Variants in GPR137C observed in about 807,000 individuals in gnomAD.
GPR137C encodes G protein-coupled receptor 137C.
A neutral mutation model predicts 43.4 loss-of-function variants in GPR137C; 27 were observed. That is an observed-to-expected ratio of 0.62 (90% confidence interval 0.46 to 0.86). The LOEUF is 0.86. GPR137C is among the 40% of genes least tolerant of loss of function. GPR137C has a pLI of 0.00. For synonymous variants in GPR137C, 285 were observed against 226.9 expected, an observed-to-expected ratio of 1.26 and a Z score of -2.30; for missense variants, 522 against 534.6, an observed-to-expected ratio of 0.98 and a Z score of 0.23.
At chr14:52,632,420 A>C in intron 4 of GPR137C, 111 bp downstream of exon 4, 1 of 731,764 alleles carries the variant, frequency 1.4e-6, no homozygotes, top group South Asian at 2.0e-5. Flanking sequence ...ATCTCTGTCT[A>C]CTGTCAGTAA....
At chr14:52,628,924 TCTC>T (rs1431053766) in intron 3 of GPR137C, among the ~76,000 whole-genome samples, 10 of 152,136 alleles carry the variant, frequency 6.6e-5, no homozygotes, top group Non-Finnish European at 1.3e-4. Context: ...TATATAAAGA[TCTC>T]CTACAACTCA....
rs762932223 is a variant in GPR137C at position 52,635,074 on chromosome 14, T to G, written c.1249T>G (p.Leu417Val). 3.1e-6 allele frequency: 5 copies of G among 1,604,130 alleles called. No homozygotes were observed. In the South Asian group the frequency reaches 5.6e-5, roughly 18 times the overall value. The change falls in exon 7 of 7, where the codon TTG (leucine) becomes GTG (valine). Residue 417 changes from leucine to valine, a missense_variant. By Grantham distance (32) the Leu-to-Val change is conservative (BLOSUM62 1). Transcript: ENST00000321662. The stretch of plus-strand genomic sequence containing the variant: ...GCTCTTTACTTGTAGTAATTTAGAT[T>G]TGAACAATCATCATAGCTTATATGT... ...PLLFTCSNLD[L>V]NNHHSLYVTP... is the part of the protein sequence containing the mutation.
intron 1 of GPR137C, among the ~76,000 whole-genome samples, chr14:52,578,696 G>C (rs2038600202): frequency 6.6e-6 from 1 of 152,152 alleles, no homozygotes; most frequent in African/African-American, 2.4e-5. Flanking sequence ...AGCACTTTGG[G>C]AGGCTGAGGT....
chr14:52,606,176 T>A (rs1403234498), intron 3 of GPR137C, among the ~76,000 whole-genome samples: 1 of 152,196 alleles, frequency 6.6e-6, no homozygotes, highest in Non-Finnish European at 1.5e-5. Flanking sequence ...TAAGGTCCTG[T>A]GCTTTTTCTT....
chr14:52,586,640 C>T (rs572776906), intron 1 of GPR137C, among the ~76,000 whole-genome samples: 5 of 152,236 alleles, frequency 3.3e-5, no homozygotes, highest in African/African-American at 1.2e-4. Context: ...GTGAACATAT[C>T]ACAGGTTGAC....
intron 1 of GPR137C, among the ~76,000 whole-genome samples, chr14:52,558,049 TAGTC>T (rs1261880453): frequency 6.7e-6 from 1 of 149,768 alleles, no homozygotes; most frequent in East Asian, 2.0e-4. Flanking sequence ...CTGCAGAGAG[TAGTC>T]AGTCTTTTTC....
intron 3 of GPR137C, among the ~76,000 whole-genome samples, chr14:52,619,251 TAAAG>T (rs1208244605): frequency 1.3e-5 from 2 of 152,228 alleles, no homozygotes; most frequent in Non-Finnish European, 2.9e-5. Context: ...AGGCCATAAT[TAAAG>T]AAACAGGCTA....
chr14:52,558,746 C>T (rs1215340098), intron 1 of GPR137C, among the ~76,000 whole-genome samples: 4 of 151,966 alleles, frequency 2.6e-5, no homozygotes, highest in Non-Finnish European at 4.4e-5. Flanking sequence ...AAAATTGGCA[C>T]ATTTGGAAAT....
intron 1 of GPR137C, among the ~76,000 whole-genome samples, chr14:52,568,550 C>T (rs1003027432): frequency 6.6e-6 from 1 of 152,188 alleles, no homozygotes; most frequent in African/African-American, 2.4e-5. Flanking sequence ...CTAAGATCCA[C>T]TAACTTGAAA....
At chr14:52,632,011 G>T in intron 3 of GPR137C, 149 bp from the exon 4 acceptor site, 2 of 529,066 alleles carry the variant, frequency 3.8e-6, no homozygotes, top group Non-Finnish European at 6.7e-6. Flanking sequence ...AATAGGAATT[G>T]AAAAGCAAGA....
rs1363006869 is a variant in GPR137C at position 52,633,859 on chromosome 14, A to G, written c.1025A>G (p.Tyr342Cys). 3 of 1,612,680 alleles carry G rather than the reference A, an allele frequency of 1.9e-6. No individual in the cohort carries two copies. In the Admixed American group the frequency reaches 5.0e-5, roughly 27 times the overall value. Residue 342 changes from tyrosine (Y) to cysteine (C), a missense_variant, in exon 6 of 7, where the codon TAT becomes TGT. This residue lies in a region of GPR137C where 18 missense variants were observed against 39.9 expected (regional missense o/e 0.45). Transcript: ENST00000321662. ...GCTGGCATGATAAATAGTCACAGTT[A>G]TAGTTCCAGAGCTTACTTTTTCGAC... The part of the protein sequence containing the change: ...APAGMINSHS[Y>C]SSRAYFFDNP...
At chr14:52,602,337 C>G (rs1443872966) in intron 3 of GPR137C, among the ~76,000 whole-genome samples, 2 of 151,872 alleles carry the variant, frequency 1.3e-5, no homozygotes, top group African/African-American at 4.8e-5. Flanking sequence ...CTCTCTCTCT[C>G]TCCCTCTCAA....
In GPR137C at chr14:52,598,263, T is replaced by C; in HGVS notation, c.445-9T>C. On this transcript the variant is annotated splice_polypyrimidine_tract_variant and intron_variant, in intron 1 of 6. Coordinates refer to ENST00000321662, the MANE Select transcript of GPR137C (RefSeq NM_001099652.2). ...TTTTCAAAATTTTTTTTTTATATTC[T>C]CTTTATAGGTTATATGTAAAGTCAG... The C allele has an allele frequency of 2.4e-6, 3 of 1,242,186 alleles. No individual in the cohort carries two copies. The highest frequency in any genetic ancestry group is 3.3e-6 in the Non-Finnish European group (3 of 909,388). The allele number at this position is 1,242,186 out of a possible 1,614,324, so 76.9% of individuals were successfully genotyped here. A position where few individuals can be genotyped will look rare whatever the true frequency, so the allele number is the denominator to read the frequency against.
chr14:52,620,054 G>A lies in GPR137C; in HGVS notation c.718-12106G>A, dbSNP rs139553057. ...AGTGTAAAAAAGCACTGAAGGCAAT[G>A]GAGAACAACCACTTAGAAGAAGAAA... On this transcript the variant is annotated intron_variant, in intron 3 of 6. Transcript: ENST00000321662. Among the ~76,000 whole-genome samples, 446 of 152,156 alleles carry A rather than the reference G, an allele frequency of 2.9e-3. 3 individuals carry two copies. Among genetic ancestry groups the A allele is most frequent in the African/African-American group, 0.01 (428 of 41,518 alleles).
At chr14:52,603,715 T>C (rs1023875932) in intron 3 of GPR137C, among the ~76,000 whole-genome samples, 1 of 152,056 alleles carries the variant, frequency 6.6e-6, no homozygotes, top group African/African-American at 2.4e-5. Context: ...TTTTTTGTGT[T>C]ATTAGTAGAG....
chr14:52,577,499 C>G (rs781735741), intron 1 of GPR137C, among the ~76,000 whole-genome samples: 15 of 142,420 alleles, frequency 1.1e-4, no homozygotes, highest in Non-Finnish European at 2.3e-4. Flanking sequence ...ACCAAACATG[C>G]ACGCGTGCGC....
intron 1 of GPR137C, among the ~76,000 whole-genome samples, chr14:52,585,272 CT>C (rs2038698278): frequency 6.6e-6 from 1 of 152,046 alleles, no homozygotes; most frequent in Non-Finnish European, 1.5e-5. Flanking sequence ...ATTTTCTTTT[CT>C]TCTCTCTTGA....
At chr14:52,625,180 A>T (rs2039207789) in intron 3 of GPR137C, among the ~76,000 whole-genome samples, 2 of 152,024 alleles carry the variant, frequency 1.3e-5, no homozygotes, top group South Asian at 4.1e-4. Context: ...TAGTATACAA[A>T]CTCTTAGAAA....
chr14:52,637,538 A>C lies in GPR137C; in HGVS notation c.*2423A>C, dbSNP rs1398856952. On this transcript the variant is annotated 3_prime_UTR_variant, in exon 7 of 7. Coordinates refer to ENST00000321662, the MANE Select transcript of GPR137C (RefSeq NM_001099652.2). ...TTATGGAAAATGTAATTTATAGCTA[A>C]AGTGGCTTTTTTATGCATAGCTGCC... 2 of 152,174 alleles carry C rather than the reference A, an allele frequency of 1.3e-5. No homozygotes were observed. Among genetic ancestry groups the C allele is most frequent in the Non-Finnish European group, 2.9e-5 (2 of 68,014 alleles). The allele number at this position is 152,174 out of a possible 1,614,324, so 9.4% of individuals were successfully genotyped here.
Sources: gnomAD v4.1 joint callset for allele counts (sites outside exome capture counted in the v4.1 genomes callset) on GRCh38, gnomAD v4.1.1 for gene constraint, gnomAD v4.1.1 regional missense constraint, MANE v1.5 for transcripts, NCBI Gene and HGNC (gene_info 2026-07-23, HGNC 2026-07-21) for gene names.